The following WWTR1 variants were observed in gnomAD, a reference collection of about 807,000 sequenced individuals.
The protein encoded by WWTR1 is WW domain-containing transcription regulator protein 1.
WWTR1 carries 13 observed loss-of-function variants against 40.1 expected under a neutral mutation model. The ratio of observed to expected loss-of-function variants is 0.32; its 90% CI spans 0.21 to 0.52. WWTR1 has a LOEUF of 0.52. WWTR1 is among the 20% of genes least tolerant of loss of function. The pLI, the probability that WWTR1 is intolerant of heterozygous loss-of-function variation, is 0.97. For synonymous variants in WWTR1, 230 were observed against 210.1 expected, an observed-to-expected ratio of 1.09 and a Z score of -0.82; for missense variants, 436 against 523.1, an observed-to-expected ratio of 0.83 and a Z score of 1.63.
chr3:149,714,335 ATC>A (rs766814676), intron 5 of WWTR1, among the ~76,000 whole-genome samples: 7 of 152,190 alleles, frequency 4.6e-5, no homozygotes, highest in Non-Finnish European at 7.4e-5. Flanking sequence ...AGAACCAGGC[ATC>A]TCTGAACTCT....
At chr3:149,671,091 G>A (rs1402075034) in intron 1 of WWTR1, among the ~76,000 whole-genome samples, 5 of 152,010 alleles carry the variant, frequency 3.3e-5, no homozygotes, top group African/African-American at 1.2e-4. Flanking sequence ...ATAAGACTTC[G>A]TACTTTCAGC....
chr3:149,527,723 C>A, intron 5 of WWTR1, 113 bp downstream of exon 5: 1 of 1,454,740 alleles, frequency 6.9e-7, no homozygotes, highest in Non-Finnish European at 9.4e-7. Flanking sequence ...CCTTTATTCT[C>A]ACCCTCAACC....
intron 5 of WWTR1, 35 bp from the exon 6 acceptor site, chr3:149,526,160 GC>G: frequency 1.4e-6 from 2 of 1,470,144 alleles, no homozygotes; most frequent in South Asian, 1.3e-5. Flanking sequence ...TTCAATATGA[GC>G]CCACTAAATA....
intron 2 of WWTR1, among the ~76,000 whole-genome samples, chr3:149,589,601 T>C (rs1387975760): frequency 6.6e-6 from 1 of 151,794 alleles, no homozygotes; most frequent in East Asian, 1.9e-4. Flanking sequence ...CCAGAGGAAA[T>C]GGTATTTTCT....
intron 2 of WWTR1, among the ~76,000 whole-genome samples, chr3:149,578,640 G>C (rs1737999926): frequency 6.6e-6 from 1 of 152,210 alleles, no homozygotes; most frequent in African/African-American, 2.4e-5. Flanking sequence ...ACAGTGGCCT[G>C]TAATCCCAGC....
intron 2 of WWTR1, chr3:149,575,890 C>G (rs1737853634): frequency 2.3e-6 from 1 of 442,978 alleles, no homozygotes. Flanking sequence ...ACAGTTCTGA[C>G]CGAGCTTACC....
intron 1 of WWTR1, among the ~76,000 whole-genome samples, chr3:149,683,289 G>A (rs1201084500): frequency 6.6e-6 from 1 of 152,188 alleles, no homozygotes; most frequent in Non-Finnish European, 1.5e-5. Flanking sequence ...TGATATTAAT[G>A]TATCCCTATT....
At chr3:149,560,692 T>C (rs1737045019) in intron 3 of WWTR1, among the ~76,000 whole-genome samples, 1 of 152,120 alleles carries the variant, frequency 6.6e-6, no homozygotes, top group African/African-American at 2.4e-5. Context: ...ATTTAAGTCT[T>C]GGCAAAATTC....
chr3:149,696,308 G>T (rs1714989609), intron 1 of WWTR1, among the ~76,000 whole-genome samples: 1 of 151,938 alleles, frequency 6.6e-6, no homozygotes, highest in Non-Finnish European at 1.5e-5. Flanking sequence ...GCCCAAGGTT[G>T]TACCTGGAAA....
chr3:149,523,060 C>T (rs1007935091), intron 6 of WWTR1, among the ~76,000 whole-genome samples: 1 of 105,068 alleles, frequency 9.5e-6, no homozygotes, highest in Admixed American at 1.0e-4. Flanking sequence ...AATGAGACCC[C>T]GTATTAAAAA....
intron 2 of WWTR1, among the ~76,000 whole-genome samples, chr3:149,627,321 C>T (rs952218753): frequency 3.9e-5 from 6 of 152,190 alleles, no homozygotes; most frequent in African/African-American, 1.2e-4. Context: ...AACATCCACC[C>T]CATTTTCAGC....
intron 4 of WWTR1, among the ~76,000 whole-genome samples, chr3:149,531,542 C>G (rs1313914909): frequency 6.6e-6 from 1 of 152,018 alleles, no homozygotes; most frequent in Non-Finnish European, 1.5e-5. Context: ...CCTGGTTTCT[C>G]TGCTGCTCCT....
At chr3:149,624,724 G>A (rs1379360070) in intron 2 of WWTR1, among the ~76,000 whole-genome samples, 1 of 151,602 alleles carries the variant, frequency 6.6e-6, no homozygotes, top group Admixed American at 6.6e-5. Context: ...TTTTTAGATG[G>A]AGTTTGACTC....
intron 2 of WWTR1, among the ~76,000 whole-genome samples, chr3:149,612,292 C>A (rs1739767364): frequency 6.6e-6 from 1 of 151,368 alleles, no homozygotes; most frequent in Admixed American, 6.6e-5. Context: ...TTAATGAAAT[C>A]TGGTCAATTC....
chr3:149,637,789 A>G (rs148813624), intron 2 of WWTR1, among the ~76,000 whole-genome samples: 21 of 152,304 alleles, frequency 1.4e-4, no homozygotes, highest in Non-Finnish European at 2.4e-4. Flanking sequence ...GGTTGGTGTA[A>G]TAAGGCATTA....
intron 1 of WWTR1, among the ~76,000 whole-genome samples, chr3:149,678,563 G>A (rs1173631371): frequency 6.6e-6 from 1 of 152,162 alleles, no homozygotes; most frequent in African/African-American, 2.4e-5. Context: ...ACACTCTGGA[G>A]CCCTTTGATC....
intron 2 of WWTR1, among the ~76,000 whole-genome samples, chr3:149,593,280 T>A (rs181479436): frequency 6.6e-6 from 1 of 152,376 alleles, no homozygotes; most frequent in Non-Finnish European, 1.5e-5. Flanking sequence ...TGCTGTCTGG[T>A]GGCTTTTGTC....
intron 3 of WWTR1, among the ~76,000 whole-genome samples, chr3:149,547,349 A>G (rs1461734275): frequency 6.6e-6 from 1 of 151,384 alleles, no homozygotes; most frequent in Non-Finnish European, 1.5e-5. Context: ...ACACAGTAAA[A>G]CCCCGTCTCT....
At chr3:149,624,705 T>C (rs1046503268) in intron 2 of WWTR1, among the ~76,000 whole-genome samples, 1 of 152,102 alleles carries the variant, frequency 6.6e-6, no homozygotes, top group Non-Finnish European at 1.5e-5. Context: ...TAATCATTTT[T>C]AACCTTTTTT....
Sources: gnomAD v4.1 joint callset for allele counts (sites outside exome capture counted in the v4.1 genomes callset) on GRCh38, gnomAD v4.1.1 for gene constraint, MANE v1.5 for transcripts, NCBI Gene and HGNC (gene_info 2026-07-23, HGNC 2026-07-21) for gene names.